Variants in GAS6 observed in about 807,000 individuals in gnomAD.
GAS6 encodes growth arrest-specific protein 6.
A neutral mutation model predicts 75.8 loss-of-function variants in GAS6; 41 were observed. That is an observed-to-expected ratio of 0.54 (90% CI 0.42 to 0.70). The LOEUF is 0.70. Among genes scored for constraint, GAS6 ranks in the 30% least tolerant of loss-of-function variants. The pLI is 0.00. For synonymous variants in GAS6, 432 were observed against 412.6 expected, an observed-to-expected ratio of 1.05 and a Z score of -0.57; for missense variants, 854 against 940.2, an observed-to-expected ratio of 0.91 and a Z score of 1.20.
chr13:113,832,539 G>A (rs746206978), intron 9 of GAS6, 51 bp from the exon 10 acceptor site: 148 of 1,594,932 alleles, frequency 9.3e-5, no homozygotes, highest in Non-Finnish European at 1.2e-4. Flanking sequence ...GCAGATGCCC[G>A]GCCCCTCCCT....
At position 113,842,934 on chromosome 13, in the gene GAS6, G is replaced by A. The variant is rs183716000; in HGVS notation, c.344-3084C>T. On this transcript the variant is annotated intron_variant, in intron 4 of 14. Coordinates refer to ENST00000327773, the MANE Select transcript of GAS6 (RefSeq NM_000820.4). ...CCTGCCAGGTGCCCAGCTCTTAAGCGGTCCCCAGACTCATGCCACCTGCCC... is the reference window on the plus strand; with the variant it reads ...CCTGCCAGGTGCCCAGCTCTTAAGCAGTCCCCAGACTCATGCCACCTGCCC... 96 of 396,622 alleles carry A rather than the reference G, an allele frequency of 2.4e-4. 3 individuals carry two copies. In the Admixed American group the frequency reaches 3.1e-3, roughly 13 times the overall value. 24.6% of individuals were successfully genotyped at this position (396,622 alleles called of 1,614,324 possible).
At chr13:113,838,541 G>A (rs375938840) in intron 5 of GAS6, among the ~76,000 whole-genome samples, 2 of 126,182 alleles carry the variant, frequency 1.6e-5, no homozygotes, top group Non-Finnish European at 3.4e-5. Context: ...GAGGGAGCCC[G>A]GGGGTGCACA....
chr13:113,861,260 G>C (rs191909512), intron 2 of GAS6, among the ~76,000 whole-genome samples: 8 of 152,194 alleles, frequency 5.3e-5, no homozygotes, highest in Non-Finnish European at 1.0e-4. Context: ...GGGTAGGTGC[G>C]TGTTAACTAA....
intron 14 of GAS6, 56 bp from the exon 15 acceptor site, chr13:113,821,074 T>C (rs965257826): frequency 3.8e-6 from 6 of 1,576,078 alleles, no homozygotes; most frequent in Non-Finnish European, 5.2e-6. Context: ...CGGCCCCGCC[T>C]GGCCCCCCCA....
At position 113,834,592 on chromosome 13, in the gene GAS6, G is replaced by A. The variant is rs751925200; in HGVS notation, c.793C>T (p.Arg265Cys). Reference sequence around the variant, plus strand: ...TCCTGGGACAGCTTGAGGCCCCCACGCCCGTCACAGTGGCAGGTGTAGCTC... The same window carrying A: ...TCCTGGGACAGCTTGAGGCCCCCACACCCGTCACAGTGGCAGGTGTAGCTC... ...PGSYTCHCDG[R>C]GGLKLSQDMD... The change falls in exon 8 of 15, where the codon CGT becomes TGT. Residue 265 changes from arginine (R) to cysteine (C), a missense_variant. Physicochemically the swap from Arg to Cys is radical, Grantham distance 180. Transcript: ENST00000327773. 79 of 1,607,312 alleles carry A rather than the reference G, an allele frequency of 4.9e-5. No individual in the cohort carries two copies. The highest frequency in any genetic ancestry group is 6.0e-5 in the Non-Finnish European group (71 of 1,177,734).
rs995402961 is a variant in GAS6, at chr13:113,863,558, GC to G, written c.255+16del. On this transcript the variant is annotated intron_variant, in intron 2 of 14. Coordinates refer to ENST00000327773, the MANE Select transcript of GAS6 (RefSeq NM_000820.4). This position sits in a 1 kb window ranked among gnomAD's most constrained non-coding sequence, Gnocchi z 9.4. ...GGCGCCAGGGGTTCCCCCGCATCCCGCCCGCCGGCTGCTCACCGTCTCGGGG... is the reference window on the plus strand; with the variant it reads ...GGCGCCAGGGGTTCCCCCGCATCCCGCCGCCGGCTGCTCACCGTCTCGGGG... The G allele has an allele frequency of 6.7e-7, 1 of 1,499,372 alleles. No homozygotes were observed. The highest frequency in any genetic ancestry group is 1.5e-5 in the African/African-American group (1 of 68,610). 92.9% of individuals were successfully genotyped at this position (1,499,372 alleles called of 1,614,324 possible).
rs555084854 is a variant in GAS6, at chr13:113,835,608, G to A, written c.617C>T (p.Ala206Val). 3.6e-5 allele frequency: 58 copies of A among 1,612,180 alleles called. No individual in the cohort carries two copies. In the East Asian group the frequency reaches 1.1e-3, roughly 32 times the overall value. ...GTTCTTGCAGCGCGCCTCCCCGCAGGCCTCCGAGTCTGCGCACTCGTCTAT... is the reference window on the plus strand; with the variant it reads ...GTTCTTGCAGCGCGCCTCCCCGCAGACCTCCGAGTCTGCGCACTCGTCTAT... ...QDIDECADSE[A>V]CGEARCKNLP... Residue 206 changes from alanine to valine, a missense_variant, in exon 7 of 15, where the codon GCC (alanine) becomes GTC (valine). Ala to Val is a moderately conservative substitution (Grantham distance 64). Transcript: ENST00000327773.
intron 4 of GAS6, chr13:113,840,078 G>A: frequency 3.5e-6 from 2 of 566,984 alleles, no homozygotes; most frequent in Non-Finnish European, 6.1e-6. Flanking sequence ...GATCAACTGG[G>A]AGGGAGTGCC....
At chr13:113,842,634 G>C (rs1266499968) in intron 4 of GAS6, 15 of 397,174 alleles carry the variant, frequency 3.8e-5, no homozygotes, top group Middle Eastern at 6.2e-4. Flanking sequence ...AAGAGGCTCT[G>C]GGGGCAGGAG....
chr13:113,863,736 G>T lies in GAS6; in HGVS notation c.94C>A (p.Leu32Met), dbSNP rs1210002599. The T allele has an allele frequency of 6.7e-7, 1 of 1,493,852 alleles. No individual in the cohort carries two copies. The highest frequency in any genetic ancestry group is 2.2e-5 in the Admixed American group (1 of 45,144). 92.5% of individuals were successfully genotyped at this position (1,493,852 alleles called of 1,614,324 possible). A position where few individuals can be genotyped will look rare whatever the true frequency, so the allele number is the denominator to read the frequency against. The stretch of plus-strand genomic sequence containing the variant: ...TGCGTGGCCTCGCGCGCCGGCAACA[G>T]CGCGGCTGCCCGGAGGGAGAGAGGG... ...LLAAECALAALLPAREATQFL... is the reference protein window; with the variant it reads ...LLAAECALAAMLPAREATQFL... The change falls in exon 2 of 15, where the codon CTG (leucine) becomes ATG (methionine). Residue 32 changes from leucine (L) to methionine (M), a missense_variant. By Grantham distance (15) the Leu-to-Met change is conservative. Coordinates refer to ENST00000327773, the MANE Select transcript of GAS6 (RefSeq NM_000820.4). This position sits in a 1 kb window ranked among gnomAD's most constrained non-coding sequence, Gnocchi z 9.4.
At chr13:113,856,265 G>A (rs889250813) in intron 2 of GAS6, among the ~76,000 whole-genome samples, 5 of 152,214 alleles carry the variant, frequency 3.3e-5, no homozygotes, top group Admixed American at 3.3e-4. Context: ...TGCACACAGA[G>A]GAGCACACAG....
At chr13:113,828,406 T>C in intron 11 of GAS6, 141 bp downstream of exon 11, 1 of 756,494 alleles carries the variant, frequency 1.3e-6, no homozygotes, top group South Asian at 3.0e-5. Context: ...TGTCAAACTC[T>C]AGGAAACCTT....
At chr13:113,851,668 T>C (rs545103703) in intron 2 of GAS6, among the ~76,000 whole-genome samples, 2 of 151,946 alleles carry the variant, frequency 1.3e-5, no homozygotes, top group East Asian at 3.9e-4. Flanking sequence ...AATGAATGAG[T>C]GGGTGGATGG....
chr13:113,855,118 C>T lies in GAS6; in HGVS notation c.256-7068G>A, dbSNP rs996399244. The stretch of plus-strand genomic sequence containing the variant: ...CAGCAAAATAAAATAGTCGTGGGCA[C>T]AGGGCCAGTGATTCTGCAGTTAGAG... On this transcript the variant is annotated intron_variant, in intron 2 of 14. Coordinates refer to ENST00000327773, the MANE Select transcript of GAS6 (RefSeq NM_000820.4). 2.0e-5 allele frequency among the ~76,000 whole-genome samples: 3 copies of T among 152,230 alleles called. No homozygotes were observed. The East Asian group carries it at 5.8e-4, about 29-fold the overall frequency.
chr13:113,821,296 C>T (rs2051454709), intron 14 of GAS6: 1 of 490,074 alleles, frequency 2.0e-6, no homozygotes, highest in Non-Finnish European at 3.7e-6. Flanking sequence ...TCTTCTGTGC[C>T]CAGTGAGTCA....
At chr13:113,841,530 A>AGTTTCCTCCATACGCCCCG (rs1403057979) in intron 4 of GAS6, 2 of 150,396 alleles carry the variant, frequency 1.3e-5, no homozygotes, top group African/African-American at 5.1e-5. Flanking sequence ...CGTATGCCCC[A>AGTTTCCTCCATACGCCCCG]GTTTCCTCCA....
rs2051815635 is a variant in GAS6 at position 113,844,300 on chromosome 13, A to C, written c.343+2227T>G. On this transcript the variant is annotated intron_variant, in intron 4 of 14. Transcript: ENST00000327773. This position sits in a 1 kb window ranked among gnomAD's most constrained non-coding sequence, Gnocchi z 5.7. Reference sequence around the variant, plus strand: ...CCGCACTTGGGGACGCTGATGCCACAAAGGAAATAACCAAAACAAGATAAC... The same window carrying C: ...CCGCACTTGGGGACGCTGATGCCACCAAGGAAATAACCAAAACAAGATAAC... The C allele has an allele frequency of 6.6e-6, 1 of 150,868 alleles. No homozygotes were observed. The highest frequency in any genetic ancestry group is 1.5e-5 in the Non-Finnish European group (1 of 68,042). The allele number at this position is 150,868 out of a possible 1,614,324, so 9.3% of individuals were successfully genotyped here. A position where few individuals can be genotyped will look rare whatever the true frequency, so the allele number is the denominator to read the frequency against.
intron 8 of GAS6, chr13:113,833,140 T>A: frequency 1.7e-6 from 2 of 1,154,666 alleles, no homozygotes; most frequent in Non-Finnish European, 2.2e-6. Flanking sequence ...TTCCCTGTTC[T>A]GGGCTGTGGT....
chr13:113,832,276 A>G (rs2051638040), intron 10 of GAS6, 23 bp downstream of exon 10: 3 of 1,593,618 alleles, frequency 1.9e-6, no homozygotes, highest in African/African-American at 2.7e-5. Context: ...GAGGCCTGGA[A>G]GGGGTGGCTG....
Sources: allele counts gnomAD v4.1 joint callset (sites outside exome capture counted in the v4.1 genomes callset), GRCh38; gene constraint gnomAD v4.1.1; non-coding constraint Gnocchi (gnomAD v3.1); transcripts MANE v1.5; gene names NCBI Gene and HGNC (gene_info 2026-07-23, HGNC 2026-07-21).